NRXN3: variants seen among roughly 807,000 people sequenced by gnomAD.
NRXN3 encodes neurexin III.
NRXN3 carries 32 observed loss-of-function variants against 137.6 expected under a neutral mutation model. That is an observed-to-expected ratio of 0.23 (90% CI 0.18 to 0.31). The LOEUF is 0.31. Ranked by LOEUF, NRXN3 falls within the 10% of genes least tolerant of loss-of-function variation. NRXN3 has a pLI of 1.00. For missense variants in NRXN3, 1,574 were observed against 2,062.5 expected (o/e 0.76, Z 4.59); for synonymous variants, 798 against 784.5 (o/e 1.02, Z -0.29).
chr14:79,574,001 A>G (rs1472151152), intron 16 of NRXN3, among the ~76,000 whole-genome samples: 2 of 152,172 alleles, frequency 1.3e-5, no homozygotes, highest in Non-Finnish European at 2.9e-5. Flanking sequence ...TTCAGCCATC[A>G]TTAAAATCTT....
intron 6 of NRXN3, among the ~76,000 whole-genome samples, chr14:78,653,318 G>T (rs1033062622): frequency 1.1e-4 from 16 of 152,146 alleles, no homozygotes; most frequent in Admixed American, 6.6e-5. Context: ...AACCCTGAAA[G>T]ACTCTTAAAC....
chr14:78,850,160 G>T (rs8011993), intron 10 of NRXN3, among the ~76,000 whole-genome samples: 5,669 of 151,846 alleles, frequency 0.037, 350 homozygotes, highest in African/African-American at 0.12. Context: ...GAGAGAGAGA[G>T]GAAGAGGGAG....
At chr14:79,227,195 T>C (rs1302877612) in intron 15 of NRXN3, among the ~76,000 whole-genome samples, 2 of 152,146 alleles carry the variant, frequency 1.3e-5, no homozygotes, top group South Asian at 2.1e-4. Context: ...GTAACACTTA[T>C]CATTGAGCAC....
At chr14:78,982,044 A>C (rs1400187426) in intron 14 of NRXN3, among the ~76,000 whole-genome samples, 1 of 152,126 alleles carries the variant, frequency 6.6e-6, no homozygotes, top group African/African-American at 2.4e-5. Context: ...TCTTGTCAGC[A>C]TCTGGTGAGT....
chr14:79,797,320 G>A (rs990621619), intron 19 of NRXN3, among the ~76,000 whole-genome samples: 3 of 152,122 alleles, frequency 2.0e-5, no homozygotes, highest in Non-Finnish European at 4.4e-5. Flanking sequence ...TTCAGGAGTA[G>A]GTAGAGGGAA....
intron 4 of NRXN3, among the ~76,000 whole-genome samples, chr14:78,555,051 G>A (rs2096725941): frequency 6.6e-6 from 1 of 151,972 alleles, no homozygotes; most frequent in African/African-American, 2.4e-5. Flanking sequence ...GTTGTCTTAG[G>A]CAAGTCACAT....
chr14:78,857,721 A>C (rs2099061418), intron 10 of NRXN3, among the ~76,000 whole-genome samples: 1 of 152,122 alleles, frequency 6.6e-6, no homozygotes, highest in African/African-American at 2.4e-5. Flanking sequence ...TCCCCAGCAG[A>C]GATAATAGGT....
intron 16 of NRXN3, among the ~76,000 whole-genome samples, chr14:79,474,938 C>A (rs1567225296): frequency 6.6e-6 from 1 of 152,034 alleles, no homozygotes; most frequent in Non-Finnish European, 1.5e-5. Context: ...AGTAGGAAAG[C>A]AAAACCTTTC....
intron 19 of NRXN3, among the ~76,000 whole-genome samples, chr14:79,707,466 G>T (rs1467144065): frequency 1.3e-5 from 2 of 151,754 alleles, no homozygotes; most frequent in East Asian, 1.9e-4. Flanking sequence ...TCTAGCTGTA[G>T]AATTTTGGCC....
intron 4 of NRXN3, among the ~76,000 whole-genome samples, chr14:78,364,283 C>T (rs926993535): frequency 6.6e-6 from 1 of 152,158 alleles, no homozygotes; most frequent in African/African-American, 2.4e-5. Context: ...TAGGAGGCTA[C>T]AGTGGGAGAG....
At chr14:78,312,419 A>C (rs1344511517) in intron 4 of NRXN3, among the ~76,000 whole-genome samples, 1 of 152,146 alleles carries the variant, frequency 6.6e-6, no homozygotes, top group African/African-American at 2.4e-5. Context: ...TCCCATGTTG[A>C]CTATTTATAA....
At chr14:78,893,071 C>T (rs368031446) in intron 10 of NRXN3, among the ~76,000 whole-genome samples, 1 of 151,848 alleles carries the variant, frequency 6.6e-6, no homozygotes, top group African/African-American at 2.4e-5. Flanking sequence ...CCTATTTGCC[C>T]AGCATTGTGG....
chr14:79,370,324 T>G (rs1381772894), intron 15 of NRXN3, among the ~76,000 whole-genome samples: 1 of 40,576 alleles, frequency 2.5e-5, no homozygotes, highest in East Asian at 5.6e-4. Context: ...TTTTTTTTTG[T>G]TTTTTTTTTT....
intron 1 of NRXN3, among the ~76,000 whole-genome samples, chr14:78,237,869 G>T (rs374515673): frequency 6.6e-6 from 1 of 152,200 alleles, no homozygotes; most frequent in Non-Finnish European, 1.5e-5. Context: ...GTCATAGGAA[G>T]CTTCTGGAAG....
At chr14:78,551,268 A>G (rs537910993) in intron 4 of NRXN3, among the ~76,000 whole-genome samples, 1 of 152,176 alleles carries the variant, frequency 6.6e-6, no homozygotes, top group Admixed American at 6.5e-5. Flanking sequence ...GAATAGACCT[A>G]TGGAATTAAA....
chr14:78,376,860 ATTGTGATAAG>A, intron 4 of NRXN3, among the ~76,000 whole-genome samples: 1 of 152,224 alleles, frequency 6.6e-6, no homozygotes, highest in East Asian at 1.9e-4. Context: ...ACACGAGTGG[ATTGTGATAAG>A]TTATGTATAT....
chr14:79,738,354 C>CACAG (rs1555678046), intron 19 of NRXN3, among the ~76,000 whole-genome samples: 1 of 147,810 alleles, frequency 6.8e-6, no homozygotes, highest in East Asian at 2.2e-4. Context: ...CACACACACA[C>CACAG]AGAGGAGAAG....
chr14:78,853,456 G>A (rs2099048473), intron 10 of NRXN3, among the ~76,000 whole-genome samples: 1 of 152,112 alleles, frequency 6.6e-6, no homozygotes, highest in South Asian at 2.1e-4. Context: ...ATGGGAGTTT[G>A]TTGTCAGATT....
intron 10 of NRXN3, among the ~76,000 whole-genome samples, chr14:78,871,961 CAT>C (rs745651877): frequency 5.9e-4 from 89 of 151,862 alleles, no homozygotes; most frequent in Admixed American, 7.2e-4. Context: ...TGTGTAAAAA[CAT>C]AGATATTCCT....
Sources: allele counts gnomAD v4.1 joint callset (sites outside exome capture counted in the v4.1 genomes callset), GRCh38; gene constraint gnomAD v4.1.1; transcripts MANE v1.5; gene names NCBI Gene and HGNC (gene_info 2026-07-23, HGNC 2026-07-21).